Variants in DSC3 observed in about 807,000 individuals in gnomAD.
DSC3 encodes desmocollin-3.
A neutral mutation model predicts 89.5 loss-of-function variants in DSC3; 97 were observed. That is an observed-to-expected ratio of 1.08 (90% CI 0.92 to 1.28). The LOEUF (loss-of-function observed/expected upper bound fraction) is 1.28, where lower values mean the gene tolerates loss of function less well. DSC3 is among the 50% of genes most tolerant of loss of function. The pLI is 0.00. For synonymous variants in DSC3, 436 were observed against 384.1 expected (o/e 1.14, Z -1.58); for missense variants, 1,199 against 1,085.3 (o/e 1.10, Z -1.47).
intron 1 of DSC3, among the ~76,000 whole-genome samples, chr18:31,036,798 C>CTTGTTTTTTTTTTTTT (rs1985983624): frequency 9.3e-6 from 1 of 107,424 alleles, no homozygotes; most frequent in African/African-American, 3.6e-5. Context: ...TTCTTTCTTC[C>CTTGTTTTTTTTTTTTT]TTTTTTTTTT....
intron 7 of DSC3, 108 bp downstream of exon 7, chr18:31,022,228 G>T: frequency 1.5e-6 from 2 of 1,320,774 alleles, no homozygotes; most frequent in Non-Finnish European, 2.1e-6. Context: ...ATTGTCTTAT[G>T]CCTAAAATAA....
At chr18:31,029,357 T>C (rs1985703059) in intron 4 of DSC3, 152 bp downstream of exon 4, 2 of 944,028 alleles carry the variant, frequency 2.1e-6, no homozygotes, top group Non-Finnish European at 3.2e-6. Context: ...ATTAGGTTTT[T>C]AGTAATTTTC....
rs1984334018 is a variant in DSC3 at position 30,993,215 on chromosome 18, A to G, written c.*960T>C. On this transcript the variant is annotated 3_prime_UTR_variant, in exon 16 of 16. Coordinates refer to ENST00000360428, the MANE Select transcript of DSC3 (RefSeq NM_001941.5). ...ATTAGCTCCCCGAAAAAAACACCTC[A>G]TCTCTGGACCCTTGCTACCAAAAAG... is the stretch of plus-strand genomic sequence containing the variant. 6.6e-6 allele frequency: 1 copy of G among 152,228 alleles called. No homozygotes were observed. The allele number at this position is 152,228 out of a possible 1,614,324, so 9.4% of individuals were successfully genotyped here.
intron 1 of DSC3, among the ~76,000 whole-genome samples, chr18:31,040,137 C>G (rs574988304): frequency 4.6e-5 from 7 of 152,054 alleles, no homozygotes; most frequent in African/African-American, 1.4e-4. Context: ...TTCATATACT[C>G]CAAAGAGGAA....
intron 1 of DSC3, among the ~76,000 whole-genome samples, chr18:31,039,958 C>G (rs906403012): frequency 2.6e-5 from 4 of 152,024 alleles, no homozygotes; most frequent in African/African-American, 4.8e-5. Flanking sequence ...AATGTAAAAG[C>G]CTTTAGAAAT....
chr18:31,025,969 A>G, intron 4 of DSC3, 54 bp from the exon 5 acceptor site: 1 of 1,480,568 alleles, frequency 6.8e-7, no homozygotes, highest in Admixed American at 1.8e-5. Flanking sequence ...CAGTTACAAT[A>G]TTTTTTAAAT....
At chr18:31,021,283 A>G (rs183625123) in intron 7 of DSC3, among the ~76,000 whole-genome samples, 2 of 152,242 alleles carry the variant, frequency 1.3e-5, no homozygotes, top group Admixed American at 1.3e-4. Flanking sequence ...GCAAAGTTTC[A>G]ATTACTCACT....
At chr18:31,029,405 T>C in intron 4 of DSC3, 104 bp downstream of exon 4, 3 of 1,451,026 alleles carry the variant, frequency 2.1e-6, no homozygotes, top group Non-Finnish European at 2.9e-6. Context: ...ATGAACATCT[T>C]TAATCAGATC....
intron 14 of DSC3, among the ~76,000 whole-genome samples, chr18:30,999,788 T>A (rs1984591268): frequency 6.6e-6 from 1 of 152,218 alleles, no homozygotes; most frequent in Non-Finnish European, 1.5e-5. Flanking sequence ...GCTAAAATGA[T>A]CACTTTTACT....
At chr18:31,023,215 G>T (rs1163127547) in intron 6 of DSC3, among the ~76,000 whole-genome samples, 1 of 152,028 alleles carries the variant, frequency 6.6e-6, no homozygotes, top group Non-Finnish European at 1.5e-5. Context: ...TTAATTAAAG[G>T]CAATATAATG....
At chr18:31,004,811 T>C (rs1338962924) in intron 12 of DSC3, among the ~76,000 whole-genome samples, 1 of 152,230 alleles carries the variant, frequency 6.6e-6, no homozygotes, top group African/African-American at 2.4e-5. Context: ...AATAGATTGT[T>C]TACGATTAAC....
intron 7 of DSC3, among the ~76,000 whole-genome samples, chr18:31,020,891 A>G (rs1463500963): frequency 6.6e-6 from 1 of 152,146 alleles, no homozygotes; most frequent in Admixed American, 6.5e-5. Context: ...GCAGTGCACC[A>G]TGTCTGTGCC....
rs752348693 is a variant in DSC3, at chr18:31,018,758, C to T, written c.985G>A (p.Asp329Asn). The T allele has an allele frequency of 4.3e-6, 7 of 1,613,794 alleles. No individual in the cohort carries two copies. The East Asian group carries it at 8.9e-5, about 21-fold the overall frequency. ...CCTATCAATCCAAAAAACTGGCCAT[C>T]CATGTCTTGTACTTTCATTATCAAT... Reference protein sequence around the residue: ...YSLIMKVQDMDGQFFGLIGTS... With the variant: ...YSLIMKVQDMNGQFFGLIGTS... The change falls in exon 8 of 16, where the codon GAT becomes AAT. Residue 329 changes from aspartate to asparagine, a missense_variant. Physicochemically the swap from Asp to Asn is conservative, Grantham distance 23 (BLOSUM62 1). Transcript: ENST00000360428.
chr18:31,000,966 G>GACATATATA lies in DSC3; in HGVS notation c.2235+651_2235+652insTATATATGT, dbSNP rs1211981450. ...TTTGAGGTAAGAACATGCCTTGTAA[G>GACATATATA]TACTTTTGTGTATATATATATATTT... is the stretch of plus-strand genomic sequence containing the variant. On this transcript the variant is annotated intron_variant, in intron 14 of 15. Transcript: ENST00000360428. 2.7e-5 allele frequency among the ~76,000 whole-genome samples: 4 copies of GACATATATA among 150,628 alleles called. No homozygotes were observed. In the South Asian group the frequency reaches 6.3e-4, roughly 24 times the overall value.
intron 9 of DSC3, among the ~76,000 whole-genome samples, chr18:31,012,112 G>T (rs1052543056): frequency 1.3e-5 from 2 of 151,960 alleles, no homozygotes; most frequent in African/African-American, 2.4e-5. Flanking sequence ...TTTTCTAAGG[G>T]TTTGGATAAA....
intron 14 of DSC3, among the ~76,000 whole-genome samples, chr18:31,001,078 T>TG: frequency 1.3e-5 from 1 of 76,400 alleles, no homozygotes; most frequent in East Asian, 3.6e-4. Context: ...TTATATATAC[T>TG]TTGTGTGTGT....
chr18:31,018,144 T>G lies in DSC3; in HGVS notation c.1190A>C (p.Lys397Thr), dbSNP rs757117351. Reference protein sequence around the residue: ...ANWRVNFTILKGNENGHFKIS... With the variant: ...ANWRVNFTILTGNENGHFKIS... ...TTTGAAATGTCCATTTTCATTTCCCTTTAAAATGGTAAAATTGACTCTCCA... is the reference window on the plus strand; with the variant it reads ...TTTGAAATGTCCATTTTCATTTCCCGTTAAAATGGTAAAATTGACTCTCCA... Residue 397 changes from lysine (K) to threonine (T), a missense_variant, in exon 9 of 16, where the codon AAG becomes ACG. Physicochemically the swap from Lys to Thr is moderately conservative, Grantham distance 78. Transcript: ENST00000360428. 2.4e-5 allele frequency: 38 copies of G among 1,612,410 alleles called. No individual in the cohort carries two copies. Among genetic ancestry groups the G allele is most frequent in the Non-Finnish European group, 3.1e-5 (37 of 1,179,088 alleles).
At chr18:31,016,996 C>T (rs1037121675) in intron 9 of DSC3, among the ~76,000 whole-genome samples, 4 of 152,076 alleles carry the variant, frequency 2.6e-5, no homozygotes, top group African/African-American at 9.7e-5. Context: ...TCTGGAGAGT[C>T]CAAATAAAGA....
chr18:31,011,931 GAAA>G (rs369310412), intron 9 of DSC3, among the ~76,000 whole-genome samples: 2,036 of 28,408 alleles, frequency 0.072, 78 homozygotes, highest in African/African-American at 0.15. Context: ...CCAAAAAAAA[GAAA>G]AAAAAAAAAA....
Sources: allele counts gnomAD v4.1 joint callset (sites outside exome capture counted in the v4.1 genomes callset), GRCh38; gene constraint gnomAD v4.1.1; transcripts MANE v1.5; gene names NCBI Gene and HGNC (gene_info 2026-07-23, HGNC 2026-07-21).